The following CCDC91 variants were observed in gnomAD, a reference collection of about 807,000 sequenced individuals.
CCDC91 encodes coiled-coil domain containing 91, also known as coiled-coil domain-containing protein 91.
In CCDC91, 48 loss-of-function variants were observed where a neutral mutation model predicts 63.2. The observed-to-expected ratio is 0.76, with a 90% CI of 0.60 to 0.97. The LOEUF is 0.97. Ranked by LOEUF, CCDC91 falls within the 50% of genes least tolerant of loss-of-function variation. CCDC91 has a pLI of 0.00. For synonymous variants in CCDC91, 167 were observed against 165.8 expected (o/e 1.01, Z -0.06); for missense variants, 500 against 494.6 (o/e 1.01, Z -0.10).
At chr12:28,360,520 G>A (rs1388716084) in intron 6 of CCDC91, among the ~76,000 whole-genome samples, 1 of 152,132 alleles carries the variant, frequency 6.6e-6, no homozygotes, top group East Asian at 1.9e-4. Context: ...CAGAAGGGGA[G>A]TGTGTGGAAG....
At chr12:28,515,276 T>C (rs1939822895) in intron 12 of CCDC91, among the ~76,000 whole-genome samples, 3 of 151,894 alleles carry the variant, frequency 2.0e-5, no homozygotes, top group Admixed American at 2.0e-4. Flanking sequence ...AGGACTTTTT[T>C]CCCCATTAGC....
intron 6 of CCDC91, among the ~76,000 whole-genome samples, chr12:28,327,023 G>A (rs1229593610): frequency 6.6e-6 from 1 of 152,102 alleles, no homozygotes; most frequent in Non-Finnish European, 1.5e-5. Context: ...AAAGTAAGGA[G>A]AAGAATATTC....
intron 8 of CCDC91, among the ~76,000 whole-genome samples, chr12:28,420,872 G>A (rs1947963524): frequency 6.6e-6 from 1 of 151,510 alleles, no homozygotes; most frequent in Non-Finnish European, 1.5e-5. Context: ...ATTCACAAAT[G>A]TTTTTTGAGT....
chr12:28,379,916 AT>A (rs1422208674), intron 7 of CCDC91, among the ~76,000 whole-genome samples: 4 of 152,194 alleles, frequency 2.6e-5, no homozygotes, highest in Admixed American at 2.0e-4. Context: ...AATGTCAGTG[AT>A]TTAGTTAGTA....
chr12:28,505,812 A>C (rs1392908722), intron 12 of CCDC91, among the ~76,000 whole-genome samples: 2 of 152,024 alleles, frequency 1.3e-5, no homozygotes, highest in Non-Finnish European at 2.9e-5. Context: ...CATCAGTCAG[A>C]CATTCAGTTT....
intron 8 of CCDC91, among the ~76,000 whole-genome samples, chr12:28,407,968 T>A (rs1418712869): frequency 6.7e-6 from 1 of 149,420 alleles, no homozygotes; most frequent in African/African-American, 2.4e-5. Flanking sequence ...ATATATATTT[T>A]TTTTATTTTT....
intron 1 of CCDC91, among the ~76,000 whole-genome samples, chr12:28,219,555 T>C (rs1170704185): frequency 2.7e-5 from 4 of 148,416 alleles, no homozygotes; most frequent in African/African-American, 1.0e-4. Flanking sequence ...CACTGCAAGC[T>C]CTGCCTCCTG....
intron 1 of CCDC91, among the ~76,000 whole-genome samples, chr12:28,193,905 A>G (rs1331002294): frequency 6.6e-6 from 1 of 152,040 alleles, no homozygotes; most frequent in African/African-American, 2.4e-5. Flanking sequence ...GTTGTTTGTT[A>G]TTGGTTTGCA....
At chr12:28,276,563 A>G (rs1948240091) in intron 3 of CCDC91, among the ~76,000 whole-genome samples, 1 of 151,958 alleles carries the variant, frequency 6.6e-6, no homozygotes, top group Admixed American at 6.6e-5. Context: ...ATTGATAAAG[A>G]TCTTGGCTGA....
At chr12:28,405,946 T>TA (rs68032914) in intron 8 of CCDC91, among the ~76,000 whole-genome samples, 10 of 151,928 alleles carry the variant, frequency 6.6e-5, no homozygotes, top group East Asian at 5.8e-4. Flanking sequence ...GTATGTTTTG[T>TA]AAAAAAAATC....
At chr12:28,522,316 G>A (rs542902748) in intron 12 of CCDC91, among the ~76,000 whole-genome samples, 26 of 152,080 alleles carry the variant, frequency 1.7e-4, no homozygotes, top group South Asian at 6.2e-4. Flanking sequence ...TGTATGTGTC[G>A]AGGAATTTAT....
intron 7 of CCDC91, among the ~76,000 whole-genome samples, chr12:28,365,670 G>A (rs1406199751): frequency 2.0e-5 from 3 of 152,150 alleles, no homozygotes; most frequent in South Asian, 2.1e-4. Context: ...ACAGCAGTGA[G>A]CAAAATATTC....
chr12:28,197,274 G>C (rs1941841078), intron 1 of CCDC91, among the ~76,000 whole-genome samples: 2 of 151,972 alleles, frequency 1.3e-5, no homozygotes, highest in Non-Finnish European at 2.9e-5. Context: ...TTAGAAATCG[G>C]TCTAGTTCAA....
chr12:28,419,754 A>ATTT (rs34455320), intron 8 of CCDC91, among the ~76,000 whole-genome samples: 2 of 146,226 alleles, frequency 1.4e-5, no homozygotes, highest in East Asian at 4.0e-4. Flanking sequence ...TTAAATTATC[A>ATTT]TTTTTTTTTT....
intron 12 of CCDC91, among the ~76,000 whole-genome samples, chr12:28,501,115 G>C (rs1443914556): frequency 1.3e-5 from 2 of 151,654 alleles, no homozygotes; most frequent in Non-Finnish European, 3.0e-5. Context: ...TGGTGATGTA[G>C]CACCAATTCT....
At chr12:28,236,294 G>T (rs1944944615) in intron 1 of CCDC91, 1 of 151,864 alleles carries the variant, frequency 6.6e-6, no homozygotes. Flanking sequence ...TGTATTAGAA[G>T]TTAGAGGCAG....
chr12:28,440,216 C>T (rs764867741), intron 8 of CCDC91, among the ~76,000 whole-genome samples: 1 of 152,182 alleles, frequency 6.6e-6, no homozygotes, highest in African/African-American at 2.4e-5. Flanking sequence ...TTTTCCTTAA[C>T]TAGTGGCTTT....
At chr12:28,343,750 T>C (rs958114031) in intron 6 of CCDC91, among the ~76,000 whole-genome samples, 12 of 152,160 alleles carry the variant, frequency 7.9e-5, no homozygotes, top group Non-Finnish European at 1.6e-4. Context: ...AATATTTGTT[T>C]CTCATTTTAT....
intron 11 of CCDC91, among the ~76,000 whole-genome samples, chr12:28,469,534 A>G (rs766997581): frequency 3.9e-5 from 6 of 152,098 alleles, no homozygotes; most frequent in Non-Finnish European, 7.4e-5. Context: ...TGGATTTAAT[A>G]TAATCTCTAT....
Sources: gnomAD v4.1 joint callset for allele counts (sites outside exome capture counted in the v4.1 genomes callset) on GRCh38, gnomAD v4.1.1 for gene constraint, MANE v1.5 for transcripts, NCBI Gene and HGNC (gene_info 2026-07-23, HGNC 2026-07-21) for gene names.